ARPC1A: variants seen among roughly 807,000 people sequenced by gnomAD.
ARPC1A encodes the protein actin-related protein 2/3 complex subunit 1A.
ARPC1A carries 8 observed loss-of-function variants against 46.9 expected under a neutral mutation model. The observed-to-expected ratio is 0.17, with a 90% CI of 0.10 to 0.31. The LOEUF (loss-of-function observed/expected upper bound fraction) is 0.31, where lower values mean the gene tolerates loss of function less well. Ranked by LOEUF, ARPC1A falls within the 10% of genes least tolerant of loss-of-function variation. The probability of loss-of-function intolerance (pLI) is 1.00; values close to 1 mark genes in which losing one functional copy is unlikely to be tolerated. For synonymous variants in ARPC1A, 152 were observed against 169.0 expected, an observed-to-expected ratio of 0.90 and a Z score of 0.78; for missense variants, 286 against 483.6, an observed-to-expected ratio of 0.59 and a Z score of 3.83.
intron 2 of ARPC1A, among the ~76,000 whole-genome samples, chr7:99,337,789 T>G (rs1793281684): frequency 6.6e-6 from 1 of 152,158 alleles, no homozygotes; most frequent in Non-Finnish European, 1.5e-5. Context: ...TTTCAGTGTT[T>G]CAAAAAGACA....
At chr7:99,349,040 T>C (rs1793507822) in intron 5 of ARPC1A, 81 bp downstream of exon 5, 2 of 1,404,288 alleles carry the variant, frequency 1.4e-6, no homozygotes, top group African/African-American at 2.9e-5. Context: ...TCTTTCTTTG[T>C]TTTTTGTTTT....
At chr7:99,352,255 G>A (rs957505292) in intron 5 of ARPC1A, among the ~76,000 whole-genome samples, 1 of 152,164 alleles carries the variant, frequency 6.6e-6, no homozygotes, top group African/African-American at 2.4e-5. Context: ...GGATGGGACA[G>A]CAAGATCTCC....
At chr7:99,352,053 C>G (rs1295231380) in intron 5 of ARPC1A, among the ~76,000 whole-genome samples, 2 of 152,310 alleles carry the variant, frequency 1.3e-5, no homozygotes, top group East Asian at 3.9e-4. Context: ...TGTCACCAGC[C>G]TCCCTTGGCT....
At chr7:99,352,679 G>A (rs553450868) in intron 5 of ARPC1A, among the ~76,000 whole-genome samples, 2 of 151,014 alleles carry the variant, frequency 1.3e-5, no homozygotes, top group Non-Finnish European at 3.0e-5. Flanking sequence ...AAGTTGGAGC[G>A]GGGGATCAGG....
intron 8 of ARPC1A, among the ~76,000 whole-genome samples, chr7:99,362,259 A>C (rs1793755521): frequency 1.3e-5 from 2 of 151,014 alleles, no homozygotes; most frequent in Non-Finnish European, 2.9e-5. Context: ...GCACCACTGC[A>C]CTCCAGCCTG....
At chr7:99,340,219 G>C (rs1026655026) in intron 3 of ARPC1A, among the ~76,000 whole-genome samples, 1 of 152,056 alleles carries the variant, frequency 6.6e-6, no homozygotes, top group Non-Finnish European at 1.5e-5. Flanking sequence ...CTGAAATGGA[G>C]TGGTACAGTC....
intron 4 of ARPC1A, among the ~76,000 whole-genome samples, chr7:99,345,184 G>A (rs536905030): frequency 1.5e-3 from 230 of 151,438 alleles, no homozygotes; most frequent in African/African-American, 5.3e-3. Context: ...CCACCGCCTC[G>A]GCCTCCCAAA....
In ARPC1A at chr7:99,362,186, C is replaced by T. The variant is rs527901616; in HGVS notation, c.984-1357C>T. ...GCAGGTGCTTGTAATCCCAGCTACTCGGGAGTCTGAGGCAGGAGAATCGCT... is the reference window on the plus strand; with the variant it reads ...GCAGGTGCTTGTAATCCCAGCTACTTGGGAGTCTGAGGCAGGAGAATCGCT... On this transcript the variant is annotated intron_variant, in intron 8 of 9. Coordinates refer to ENST00000262942, the MANE Select transcript of ARPC1A (RefSeq NM_006409.4). 1.2e-4 allele frequency among the ~76,000 whole-genome samples: 18 copies of T among 151,582 alleles called. No homozygotes were observed. In the East Asian group the frequency reaches 2.4e-3, roughly 20 times the overall value.
rs527599591 is a variant in ARPC1A at position 99,328,405 on chromosome 7, G to C, written c.-30+2401G>C. Among the ~76,000 whole-genome samples the C allele has an allele frequency of 5.9e-5, 9 of 152,274 alleles. No homozygotes were observed. The South Asian group carries it at 1.9e-3, about 32-fold the overall frequency. On this transcript the variant is annotated intron_variant, in intron 1 of 9. Coordinates refer to ENST00000262942, the MANE Select transcript of ARPC1A (RefSeq NM_006409.4). ...AAGCCTTGGGTCAAAGGGAGAAAGG[G>C]AACCTGCTGGCATGTATTTCAGGCT...
At chr7:99,341,395 G>A (rs1793355125) in intron 3 of ARPC1A, among the ~76,000 whole-genome samples, 2 of 152,014 alleles carry the variant, frequency 1.3e-5, no homozygotes, top group South Asian at 2.1e-4. Context: ...ATCACCTGAG[G>A]TCGGGAGTTC....
chr7:99,357,415 A>C (rs1257541374), intron 6 of ARPC1A, among the ~76,000 whole-genome samples: 3 of 151,532 alleles, frequency 2.0e-5, no homozygotes, highest in Non-Finnish European at 4.4e-5. Flanking sequence ...GGAACTCCTG[A>C]GCTCAAGTTC....
intron 4 of ARPC1A, among the ~76,000 whole-genome samples, chr7:99,348,260 A>G (rs189888285): frequency 3.3e-5 from 5 of 152,326 alleles, no homozygotes; most frequent in East Asian, 3.9e-4. Flanking sequence ...TTAACGTCCT[A>G]TGTAATCCGA....
intron 6 of ARPC1A, among the ~76,000 whole-genome samples, chr7:99,356,412 A>G (rs60971917): frequency 0.12 from 18,387 of 149,398 alleles, 3,011 homozygotes; most frequent in African/African-American, 0.38. Flanking sequence ...CGAGACCAGC[A>G]TGGCCAACAT....
At chr7:99,365,023 A>T (rs1444278593) in intron 9 of ARPC1A, among the ~76,000 whole-genome samples, 4 of 152,116 alleles carry the variant, frequency 2.6e-5, no homozygotes, top group Non-Finnish European at 4.4e-5. Flanking sequence ...CTGTGAGTTG[A>T]GAAGACACAG....
At chr7:99,339,875 T>C (rs971033127) in intron 3 of ARPC1A, 1 of 428,122 alleles carries the variant, frequency 2.3e-6, no homozygotes, top group Admixed American at 2.4e-5. Flanking sequence ...ATATCTGCAG[T>C]GCAGTGTTGC....
At chr7:99,347,931 C>T (rs533308395) in intron 4 of ARPC1A, among the ~76,000 whole-genome samples, 3 of 152,050 alleles carry the variant, frequency 2.0e-5, no homozygotes, top group Non-Finnish European at 4.4e-5. Context: ...GTTGAGCAAC[C>T]AGACGTGATT....
At chr7:99,343,466 C>CAA (rs1181327939) in intron 3 of ARPC1A, among the ~76,000 whole-genome samples, 1 of 120,012 alleles carries the variant, frequency 8.3e-6, no homozygotes, top group Non-Finnish European at 1.8e-5. Flanking sequence ...AACTCCATCT[C>CAA]AAAAAAAAAA....
chr7:99,327,781 A>G (rs1449656674), intron 1 of ARPC1A, among the ~76,000 whole-genome samples: 2 of 152,128 alleles, frequency 1.3e-5, no homozygotes, highest in Non-Finnish European at 2.9e-5. Context: ...CAAATCCTAT[A>G]TAAAGAAGTT....
chr7:99,330,435 C>T (rs1220412911), intron 1 of ARPC1A, among the ~76,000 whole-genome samples: 5 of 152,178 alleles, frequency 3.3e-5, no homozygotes, highest in Non-Finnish European at 4.4e-5. Flanking sequence ...GTGCCTCAGC[C>T]TCCTGAGTAG....
Sources: allele counts gnomAD v4.1 joint callset (sites outside exome capture counted in the v4.1 genomes callset), GRCh38; gene constraint gnomAD v4.1.1; transcripts MANE v1.5; gene names NCBI Gene and HGNC (gene_info 2026-07-23, HGNC 2026-07-21).